Variants in TENT4A observed in about 807,000 individuals in gnomAD.
The protein encoded by TENT4A is DNA polymerase kappa.
Under a neutral mutation model 72.8 loss-of-function variants are expected in TENT4A, and 7 were observed. The observed-to-expected ratio is 0.10, with a 90% CI of 0.05 to 0.18. The LOEUF is 0.18. Ranked by LOEUF, TENT4A falls within the 10% of genes least tolerant of loss-of-function variation. The pLI is 1.00. For synonymous variants in TENT4A, 456 were observed against 434.3 expected, an observed-to-expected ratio of 1.05 and a Z score of -0.62; for missense variants, 831 against 1,017.7, an observed-to-expected ratio of 0.82 and a Z score of 2.50.
At chr5:6,749,186 C>G (rs767059250) in intron 8 of TENT4A, among the ~76,000 whole-genome samples, 1 of 152,120 alleles carries the variant, frequency 6.6e-6, no homozygotes, top group Non-Finnish European at 1.5e-5. Context: ...CCGCTGTCTG[C>G]TCGGTGTTTT....
chr5:6,725,446 G>A (rs1436516788), intron 1 of TENT4A, among the ~76,000 whole-genome samples: 1 of 152,208 alleles, frequency 6.6e-6, no homozygotes, highest in African/African-American at 2.4e-5. Context: ...AGACTCCAGA[G>A]ATGGACAGCT....
rs575332347 is a variant in TENT4A, at chr5:6,734,068, CTTGA to C, written c.717-3431_717-3428del. Among the ~76,000 whole-genome samples, 820 of 152,300 alleles carry C rather than the reference CTTGA, an allele frequency of 5.4e-3. 6 individuals are homozygous for C. The highest frequency in any genetic ancestry group is 9.6e-3 in the Non-Finnish European group (652 of 68,038). ...AGGTCAGCAAAATATCTTAGCAAAACTTGATTGATTGATTCCATGCACAGGCAAG... is the reference window on the plus strand; with the variant it reads ...AGGTCAGCAAAATATCTTAGCAAAACTTGATTGATTCCATGCACAGGCAAG... On this transcript the variant is annotated intron_variant, in intron 1 of 12. Coordinates refer to ENST00000230859, the MANE Select transcript of TENT4A (RefSeq NM_006999.6).
chr5:6,714,757 C>CCGCGGTCCTGGCCGGCGCG (rs1334655309), intron 1 of TENT4A, 58 bp downstream of exon 1: 25 of 1,031,346 alleles, frequency 2.4e-5, no homozygotes, highest in Non-Finnish European at 2.9e-5. Flanking sequence ...TGGCCGGCGC[C>CCGCGGTCCTGGCCGGCGCG]CGCGGTGCAG....
At chr5:6,723,975 A>G (rs2126604716) in intron 1 of TENT4A, among the ~76,000 whole-genome samples, 1 of 152,358 alleles carries the variant, frequency 6.6e-6, no homozygotes, top group Middle Eastern at 3.4e-3. Context: ...TCGCTGTTTC[A>G]TCTGACGGCA....
Position 6,748,474 on chromosome 5 carries a change from T to G in TENT4A, c.1470T>G (p.Val490=). 1 of 1,614,110 alleles carries G rather than the reference T, an allele frequency of 6.2e-7. No individual in the cohort carries two copies. The highest frequency in any genetic ancestry group is 1.3e-5 in the African/African-American group (1 of 75,038). Residue 490 remains valine (V), a synonymous_variant, in exon 8 of 13, where the codon GTT becomes GTG. Coordinates refer to ENST00000230859, the MANE Select transcript of TENT4A (RefSeq NM_006999.6). ...IEDPLLPGND[V]GRSSYGAMQV... is the part of the protein sequence containing the mutation. ...GCCTTTTTGCTGCAGGGAATGACGT[T>G]GGCCGGAGCTCCTATGGCGCCATGC...
chr5:6,722,837 A>G (rs1282934098), intron 1 of TENT4A, among the ~76,000 whole-genome samples: 2 of 152,220 alleles, frequency 1.3e-5, no homozygotes, highest in Non-Finnish European at 2.9e-5. Flanking sequence ...TAAGTAGGCA[A>G]CTAGAACAGC....
Position 6,755,237 on chromosome 5 carries a change from CGCTTGCGGTTT to C in TENT4A, c.*294_*304del, listed in dbSNP as rs1561050955. 3.4e-6 allele frequency: 1 copy of C among 295,578 alleles called. No homozygotes were observed. The highest frequency in any genetic ancestry group is 2.2e-5 in the African/African-American group (1 of 46,372). The allele number at this position is 295,578 out of a possible 1,614,324, so 18.3% of individuals were successfully genotyped here. On this transcript the variant is annotated 3_prime_UTR_variant, in exon 13 of 13. Coordinates refer to ENST00000230859, the MANE Select transcript of TENT4A (RefSeq NM_006999.6). The stretch of plus-strand genomic sequence containing the variant: ...CAGGAACTGCAGGGACGTGAACATG[CGCTTGCGGTTT>C]GAGGTAGCCGTGTCTGTTCCTTCGC...
In TENT4A at chr5:6,715,383, C is replaced by A. The variant is rs1394852585; in HGVS notation, c.716+684C>A. Among the ~76,000 whole-genome samples, 4 of 152,272 alleles carry A rather than the reference C, an allele frequency of 2.6e-5. No individual in the cohort carries two copies. In the South Asian group the frequency reaches 8.3e-4, roughly 32 times the overall value. ...AGAGGCTCTACTTAAATTTAGTGCA[C>A]TTACAGACGGCAAGGAATGAAACGA... On this transcript the variant is annotated intron_variant, in intron 1 of 12. Transcript: ENST00000230859.
chr5:6,756,320 T>C lies in TENT4A; in HGVS notation c.*1375T>C, dbSNP rs78323632. 2,717 of 152,576 alleles carry C rather than the reference T, an allele frequency of 0.018. 32 individuals are homozygous for C. The highest frequency in any genetic ancestry group is 0.038 in the South Asian group (182 of 4,804). 9.5% of individuals were successfully genotyped at this position (152,576 alleles called of 1,614,324 possible). On this transcript the variant is annotated 3_prime_UTR_variant, in exon 13 of 13. Transcript: ENST00000230859. ...GTTGTCCTGGGAGTTGGTTGCATCT[T>C]GTAGGCCATCTGACTTCCTGTTTTT...
intron 12 of TENT4A, 124 bp from the exon 13 acceptor site, chr5:6,754,627 G>C: frequency 1.7e-6 from 1 of 589,076 alleles, no homozygotes; most frequent in Non-Finnish European, 2.8e-6. Context: ...AAGTCCCAGA[G>C]GGCAGGTGTC....
chr5:6,751,434 G>GT (rs2126658224), intron 11 of TENT4A: 3 of 414,700 alleles, frequency 7.2e-6, no homozygotes, highest in Non-Finnish European at 1.3e-5. Context: ...CTTTTCACGG[G>GT]GGCCAGGTTG....
chr5:6,741,110 T>C (rs563241336), intron 4 of TENT4A, among the ~76,000 whole-genome samples: 26 of 152,222 alleles, frequency 1.7e-4, no homozygotes, highest in African/African-American at 6.0e-4. Flanking sequence ...GGCCACACAG[T>C]AGGTTGAGCA....
intron 7 of TENT4A, among the ~76,000 whole-genome samples, chr5:6,747,012 C>G (rs1742142361): frequency 6.6e-6 from 1 of 152,188 alleles, no homozygotes; most frequent in South Asian, 2.1e-4. Flanking sequence ...GTATTTATGT[C>G]CTCATTCCTT....
At position 6,713,867 on chromosome 5, in the gene TENT4A, C is replaced by G. The variant is rs899462455; in HGVS notation, c.-117C>G. Reference sequence around the variant, plus strand: ...CCCGCCGCCGCCGCCGCCGCCGCCGCCACCGGCCCAGGCCCGTCCGTCCGT... The same window carrying G: ...CCCGCCGCCGCCGCCGCCGCCGCCGGCACCGGCCCAGGCCCGTCCGTCCGT... On this transcript the variant is annotated 5_prime_UTR_variant, in exon 1 of 13. Coordinates refer to ENST00000230859, the MANE Select transcript of TENT4A (RefSeq NM_006999.6). 5.2e-6 allele frequency: 1 copy of G among 193,830 alleles called. No homozygotes were observed. The allele number at this position is 193,830 out of a possible 1,614,324, so 12.0% of individuals were successfully genotyped here.
At chr5:6,742,682 C>G (rs1042800717) in intron 5 of TENT4A, 85 bp downstream of exon 5, 1 of 765,520 alleles carries the variant, frequency 1.3e-6, no homozygotes, top group Admixed American at 1.8e-5. Flanking sequence ...TTACAGCTGT[C>G]AGCTGCACAC....
At chr5:6,728,029 T>C (rs1392967387) in intron 1 of TENT4A, among the ~76,000 whole-genome samples, 2 of 152,250 alleles carry the variant, frequency 1.3e-5, no homozygotes, top group African/African-American at 4.8e-5. Context: ...TTCCAGCCTT[T>C]TGTATAGTCC....
intron 1 of TENT4A, among the ~76,000 whole-genome samples, chr5:6,734,540 A>ACTTTTTC (rs1741373284): frequency 6.6e-6 from 1 of 152,274 alleles, no homozygotes; most frequent in South Asian, 2.1e-4. Context: ...TGACTCCGTC[A>ACTTTTTC]TCCAAGAGGC....
In TENT4A at chr5:6,746,204, G is replaced by T; in HGVS notation, c.1246-10G>T. On this transcript the variant is annotated splice_polypyrimidine_tract_variant and intron_variant, in intron 6 of 12. Coordinates refer to ENST00000230859, the MANE Select transcript of TENT4A (RefSeq NM_006999.6). ...AATCCATACAAATTGTGGGTGCATT[G>T]CTTTTACAGTTGCATCCAAGAATTG... 1 of 1,614,122 alleles carries T rather than the reference G, an allele frequency of 6.2e-7. No homozygotes were observed. Among genetic ancestry groups the T allele is most frequent in the East Asian group, 2.2e-5 (1 of 44,884 alleles).
intron 1 of TENT4A, among the ~76,000 whole-genome samples, chr5:6,717,362 C>G (rs1346202669): frequency 6.6e-6 from 1 of 152,234 alleles, no homozygotes; most frequent in Non-Finnish European, 1.5e-5. Flanking sequence ...GTGTGTATTC[C>G]TCATGGGAGG....
Sources: allele counts gnomAD v4.1 joint callset (sites outside exome capture counted in the v4.1 genomes callset), GRCh38; gene constraint gnomAD v4.1.1; transcripts MANE v1.5; gene names NCBI Gene and HGNC (gene_info 2026-07-23, HGNC 2026-07-21).